KIF5C: variants seen among roughly 807,000 people sequenced by gnomAD.
KIF5C encodes the protein kinesin family member 5C, also known as kinesin heavy chain isoform 5C.
In KIF5C, 18 loss-of-function variants were observed where a neutral mutation model predicts 125.2. That is an observed-to-expected ratio of 0.14 (90% CI 0.10 to 0.21). The LOEUF is 0.21. Ranked by LOEUF, KIF5C falls within the 10% of genes least tolerant of loss-of-function variation. KIF5C has a pLI of 1.00. For missense variants in KIF5C, 780 were observed against 1,183.8 expected, an observed-to-expected ratio of 0.66 and a Z score of 5.01; for synonymous variants, 405 against 434.0, an observed-to-expected ratio of 0.93 and a Z score of 0.83.
At position 149,011,581 on chromosome 2, in the gene KIF5C, CGCCCCGGACACT is replaced by C; in HGVS notation, c.2780_2791del (p.Arg927_Tyr931delinsHis). The C allele has an allele frequency of 6.2e-7, 1 of 1,614,034 alleles. No homozygotes were observed. The highest frequency in any genetic ancestry group is 8.5e-7 in the Non-Finnish European group (1 of 1,179,892). On this transcript the variant is annotated inframe_deletion, in exon 25 of 26. Coordinates refer to ENST00000435030, the MANE Select transcript of KIF5C (RefSeq NM_004522.3). The stretch of plus-strand genomic sequence containing the variant: ...TTGGTTGGATACAGCCAAGCCCATC[CGCCCCGGACACT>C]ACCCGGCCTCATCTCCAACGGCCGT...
At chr2:148,923,324 T>C (rs1231128374) in intron 2 of KIF5C, among the ~76,000 whole-genome samples, 1 of 152,206 alleles carries the variant, frequency 6.6e-6, no homozygotes, top group African/African-American at 2.4e-5. Flanking sequence ...CATGTAATGT[T>C]CCTTGCTGAG....
At chr2:148,952,001 G>T (rs887974646) in intron 10 of KIF5C, among the ~76,000 whole-genome samples, 3 of 152,142 alleles carry the variant, frequency 2.0e-5, no homozygotes, top group Admixed American at 6.5e-5. Context: ...AAATGTTGTA[G>T]ACCTAATATA....
At chr2:148,997,626 G>GGGCT in intron 18 of KIF5C, 1 of 408,640 alleles carries the variant, frequency 2.4e-6, no homozygotes, top group Non-Finnish European at 4.3e-6. Flanking sequence ...ATCACTGCAT[G>GGGCT]GGCTCTTTTG....
At chr2:148,983,943 G>A (rs1244576263) in intron 15 of KIF5C, among the ~76,000 whole-genome samples, 177 bp downstream of exon 15, 6 of 152,206 alleles carry the variant, frequency 3.9e-5, no homozygotes, top group Non-Finnish European at 8.8e-5. Context: ...TGTTTGTTGG[G>A]GTGAGGAGGA....
chr2:149,003,489 CCT>C (rs1030232206), intron 21 of KIF5C, among the ~76,000 whole-genome samples: 1 of 152,236 alleles, frequency 6.6e-6, no homozygotes, highest in African/African-American at 2.4e-5. Context: ...TGTATTCCCT[CCT>C]TGCTGGTCCC....
In KIF5C at chr2:148,966,373, CAT is replaced by C. The variant is rs550730276; in HGVS notation, c.1117+4255_1117+4256del. 7.1e-3 allele frequency among the ~76,000 whole-genome samples: 1,066 copies of C among 149,778 alleles called. 7 individuals carry two copies. Among genetic ancestry groups the C allele is most frequent in the Admixed American group, 0.015 (229 of 15,192 alleles). ...GTGTGTGCGCGCGCGCACACACACA[CAT>C]GCTTGTGCTTTTTCCTACTTGCTGT... On this transcript the variant is annotated intron_variant, in intron 11 of 25. Transcript: ENST00000435030.
At chr2:149,012,139 C>T (rs1193323758) in intron 25 of KIF5C, among the ~76,000 whole-genome samples, 1 of 152,192 alleles carries the variant, frequency 6.6e-6, no homozygotes, top group East Asian at 1.9e-4. Flanking sequence ...CTGAACTCAA[C>T]AAGTGGGGAT....
At chr2:148,984,892 C>G (rs61274212) in intron 15 of KIF5C, among the ~76,000 whole-genome samples, 5,507 of 152,170 alleles carry the variant, frequency 0.036, 296 homozygotes, top group African/African-American at 0.12. Flanking sequence ...CTGGGTTCAA[C>G]CAATTCATGT....
At chr2:148,907,932 A>G (rs1266693566) in intron 1 of KIF5C, among the ~76,000 whole-genome samples, 1 of 152,164 alleles carries the variant, frequency 6.6e-6, no homozygotes, top group Non-Finnish European at 1.5e-5. Flanking sequence ...GGTCATCTGG[A>G]GATCTATGTT....
At chr2:148,995,462 A>T (rs957307406) in intron 17 of KIF5C, among the ~76,000 whole-genome samples, 3 of 152,236 alleles carry the variant, frequency 2.0e-5, no homozygotes, top group Non-Finnish European at 4.4e-5. Flanking sequence ...ATATTAATGA[A>T]TATAAGCAGA....
In KIF5C at chr2:148,997,343, G is replaced by A; in HGVS notation, c.2100+3G>A. 2 of 1,614,008 alleles carry A rather than the reference G, an allele frequency of 1.2e-6. No individual in the cohort carries two copies. The highest frequency in any genetic ancestry group is 1.7e-6 in the Non-Finnish European group (2 of 1,179,878). The stretch of plus-strand genomic sequence containing the variant: ...TGCAGGATGCTGAAGAAATGAAGGT[G>A]TGTGTGGCTGCCCCTTCCATCAAGC... On this transcript the variant is annotated splice_donor_region_variant and intron_variant, in intron 18 of 25. Coordinates refer to ENST00000435030, the MANE Select transcript of KIF5C (RefSeq NM_004522.3).
chr2:148,914,394 A>T (rs1681462192), intron 1 of KIF5C, among the ~76,000 whole-genome samples: 1 of 152,264 alleles, frequency 6.6e-6, no homozygotes, highest in Non-Finnish European at 1.5e-5. Flanking sequence ...TATGCCTGTT[A>T]GCCAGGCAAT....
chr2:148,941,948 C>T lies in KIF5C; in HGVS notation c.459C>T (p.Asn153=). 1.9e-6 allele frequency: 3 copies of T among 1,612,172 alleles called. No homozygotes were observed. The highest frequency in any genetic ancestry group is 2.5e-6 in the Non-Finnish European group (3 of 1,179,558). The change falls in exon 6 of 26, where the codon AAC becomes AAT. Residue 153 remains asparagine (N), a synonymous_variant. Transcript: ENST00000435030. ...TCATCTTTTTAGTATCCAAGACCAA[C>T]TTGGCTGTTCATGAAGATAAAAACA... The part of the protein sequence containing the change: ...IRDLLDVSKT[N]LAVHEDKNRV...
At chr2:148,978,467 C>T (rs556325402) in intron 12 of KIF5C, among the ~76,000 whole-genome samples, 51 of 150,278 alleles carry the variant, frequency 3.4e-4, no homozygotes, top group Admixed American at 9.4e-4. Flanking sequence ...AACATTGGCT[C>T]TCCCTGCCGA....
At chr2:148,982,977 A>T (rs1462631106) in intron 14 of KIF5C, among the ~76,000 whole-genome samples, 1 of 152,224 alleles carries the variant, frequency 6.6e-6, no homozygotes, top group Admixed American at 6.5e-5. Flanking sequence ...TGAAAAAGAG[A>T]TGGGTTTATT....
chr2:148,945,568 T>G (rs2105107382), intron 7 of KIF5C, among the ~76,000 whole-genome samples: 1 of 152,280 alleles, frequency 6.6e-6, no homozygotes, highest in Admixed American at 6.5e-5. Context: ...TTTTTATTTT[T>G]CCATAGGCTA....
chr2:148,923,474 C>T (rs756240745), intron 2 of KIF5C, among the ~76,000 whole-genome samples: 19 of 152,108 alleles, frequency 1.2e-4, no homozygotes, highest in Non-Finnish European at 1.9e-4. Context: ...GGACCTATAT[C>T]GGGTGGTAAT....
chr2:148,974,101 C>G (rs551352360), intron 12 of KIF5C, among the ~76,000 whole-genome samples: 28 of 152,244 alleles, frequency 1.8e-4, no homozygotes, highest in Admixed American at 1.6e-3. Flanking sequence ...CTCAAATAGT[C>G]ATGTAAATGC....
chr2:148,913,158 GCAT>G (rs796904185), intron 1 of KIF5C, among the ~76,000 whole-genome samples: 114 of 152,270 alleles, frequency 7.5e-4, no homozygotes, highest in African/African-American at 2.7e-3. Context: ...AGGTTATATG[GCAT>G]CATGTTCTAA....
Sources: allele counts gnomAD v4.1 joint callset (sites outside exome capture counted in the v4.1 genomes callset), GRCh38; gene constraint gnomAD v4.1.1; transcripts MANE v1.5; gene names NCBI Gene and HGNC (gene_info 2026-07-23, HGNC 2026-07-21).